Variants in SGCG observed in about 807,000 individuals in gnomAD.
SGCG encodes sarcoglycan gamma.
In SGCG, 26 loss-of-function variants were observed where a neutral mutation model predicts 29.3. The ratio of observed to expected loss-of-function variants is 0.89; its 90% CI spans 0.65 to 1.23. The LOEUF (loss-of-function observed/expected upper bound fraction) is 1.23, where lower values mean the gene tolerates loss of function less well. Among genes scored for constraint, SGCG ranks in the 50% most tolerant of loss-of-function variants. SGCG has a pLI of 0.00. For missense variants in SGCG, 353 were observed against 356.0 expected (o/e 0.99, Z 0.07); for synonymous variants, 145 against 129.7 (o/e 1.12, Z -0.80).
At chr13:23,188,940 A>G (rs2137476223) in intron 1 of SGCG, among the ~76,000 whole-genome samples, 1 of 152,272 alleles carries the variant, frequency 6.6e-6, no homozygotes, top group Non-Finnish European at 1.5e-5. Context: ...GATCACTTTC[A>G]TTCTTTACGA....
chr13:23,295,403 T>C lies in SGCG; in HGVS notation c.506-12T>C. On this transcript the variant is annotated splice_polypyrimidine_tract_variant and intron_variant, in intron 5 of 7. Coordinates refer to ENST00000218867, the MANE Select transcript of SGCG (RefSeq NM_000231.3). ...TACTTCTGCTCCTGATACATCTTTGTTTTTTGTTTAGGGCCTGAAGGGGCT... is the reference window on the plus strand; with the variant it reads ...TACTTCTGCTCCTGATACATCTTTGCTTTTTGTTTAGGGCCTGAAGGGGCT... 1 of 1,608,236 alleles carries C rather than the reference T, an allele frequency of 6.2e-7. No homozygotes were observed. Among genetic ancestry groups the C allele is most frequent in the Non-Finnish European group, 8.5e-7 (1 of 1,174,608 alleles).
At chr13:23,214,190 C>G (rs1878340041) in intron 2 of SGCG, among the ~76,000 whole-genome samples, 1 of 152,146 alleles carries the variant, frequency 6.6e-6, no homozygotes, top group African/African-American at 2.4e-5. Context: ...ATCATGGTTG[C>G]TTCCTTGTCC....
chr13:23,284,687 T>G (rs1013721142), intron 5 of SGCG, among the ~76,000 whole-genome samples: 2 of 152,212 alleles, frequency 1.3e-5, no homozygotes, highest in African/African-American at 4.8e-5. Context: ...AGAAGAGGCA[T>G]TCTGGTTTTT....
chr13:23,311,603 G>A (rs542621727), intron 6 of SGCG, among the ~76,000 whole-genome samples: 9 of 152,352 alleles, frequency 5.9e-5, no homozygotes, highest in African/African-American at 1.9e-4. Context: ...GCCTGGGGTA[G>A]AGATGAGGGC....
intron 4 of SGCG, among the ~76,000 whole-genome samples, chr13:23,276,153 T>C (rs957071331): frequency 2.0e-5 from 3 of 151,864 alleles, no homozygotes; most frequent in Non-Finnish European, 4.4e-5. Context: ...GACGATTACA[T>C]CCTCAGCTCT....
intron 6 of SGCG, among the ~76,000 whole-genome samples, chr13:23,310,385 C>T (rs1882549296): frequency 6.6e-6 from 1 of 152,156 alleles, no homozygotes; most frequent in Non-Finnish European, 1.5e-5. Flanking sequence ...CGCGCCGGGC[C>T]TGAATTCTTC....
Position 23,188,502 on chromosome 13 carries a change from T to TTTTA in SGCG, c.-1+7427_-1+7428insTTTA, listed in dbSNP as rs1565992168. On this transcript the variant is annotated intron_variant, in intron 1 of 7. Coordinates refer to ENST00000218867, the MANE Select transcript of SGCG (RefSeq NM_000231.3). ...CTAATTTTTTTTTTTTTTTTTTTTT[T>TTTTA]GGGACAGGTATTCACCATGTTGGTC... is the stretch of plus-strand genomic sequence containing the variant. Among the ~76,000 whole-genome samples, 51 of 140,858 alleles carry TTTTA rather than the reference T, an allele frequency of 3.6e-4. 1 individual carries two copies. Among genetic ancestry groups the TTTTA allele is most frequent in the African/African-American group, 9.4e-4 (36 of 38,294 alleles). 92.4% of individuals were successfully genotyped at this position (140,858 alleles called of 152,430 possible). A position where few individuals can be genotyped will look rare whatever the true frequency, so the allele number is the denominator to read the frequency against.
intron 1 of SGCG, among the ~76,000 whole-genome samples, chr13:23,186,587 G>A (rs1297499980): frequency 6.6e-6 from 1 of 152,198 alleles, no homozygotes; most frequent in East Asian, 1.9e-4. Context: ...CCTATCCACT[G>A]GGGATGGAGC....
At chr13:23,321,701 A>G (rs763600164) in intron 7 of SGCG, among the ~76,000 whole-genome samples, 1 of 152,188 alleles carries the variant, frequency 6.6e-6, no homozygotes, top group Admixed American at 6.5e-5. Flanking sequence ...GCCATTTAAA[A>G]TGTATAAATT....
At chr13:23,192,862 G>A (rs73437061) in intron 1 of SGCG, among the ~76,000 whole-genome samples, 1,587 of 152,258 alleles carry the variant, frequency 0.01, 28 homozygotes, top group African/African-American at 0.036. Flanking sequence ...TAACAAATAC[G>A]TATAACTGAG....
chr13:23,241,812 C>T (rs1879525778), intron 3 of SGCG, among the ~76,000 whole-genome samples: 1 of 152,076 alleles, frequency 6.6e-6, no homozygotes, highest in Admixed American at 6.6e-5. Flanking sequence ...TACATCACAT[C>T]AATAGAATGA....
chr13:23,220,169 A>G (rs1878602565), intron 2 of SGCG, among the ~76,000 whole-genome samples: 1 of 151,068 alleles, frequency 6.6e-6, no homozygotes, highest in South Asian at 2.2e-4. Flanking sequence ...ATAAAAGAAT[A>G]TGGCTGGGCG....
intron 6 of SGCG, among the ~76,000 whole-genome samples, chr13:23,305,119 A>G (rs539687936): frequency 1.3e-5 from 2 of 152,292 alleles, no homozygotes; most frequent in East Asian, 1.9e-4. Context: ...CTTATTTTGT[A>G]TTAGGATTAT....
the SGCG span, among the ~76,000 whole-genome samples, chr13:23,175,694 A>G: frequency 6.6e-6 from 1 of 152,054 alleles, no homozygotes; most frequent in Non-Finnish European, 1.5e-5. Flanking sequence ...TCTCCCCTCT[A>G]TCTTCTTTTA....
intron 2 of SGCG, among the ~76,000 whole-genome samples, chr13:23,231,939 C>T (rs4770416): frequency 1.3e-5 from 2 of 151,888 alleles, no homozygotes; most frequent in African/African-American, 4.8e-5. Context: ...GCCAACATGA[C>T]GAAACCCCAT....
intron 6 of SGCG, among the ~76,000 whole-genome samples, chr13:23,299,433 TATATATATATATATA>T (rs1313307409): frequency 0.2 from 6,017 of 30,586 alleles, 1,238 homozygotes; most frequent in East Asian, 0.35. Context: ...TATATATATA[TATATATATATATATA>T]TATATATATT....
chr13:23,168,033 C>T, the SGCG span, among the ~76,000 whole-genome samples: 3 of 152,188 alleles, frequency 2.0e-5, no homozygotes, highest in Non-Finnish European at 2.9e-5. Context: ...CACTGCGCCT[C>T]GCTCCCTTGC....
intron 3 of SGCG, among the ~76,000 whole-genome samples, chr13:23,235,089 C>G (rs1030765104): frequency 6.6e-6 from 1 of 152,206 alleles, no homozygotes; most frequent in Non-Finnish European, 1.5e-5. Flanking sequence ...TTCGTTTCAG[C>G]TGGGCGCGGT....
rs1883173554 is a variant in SGCG, at chr13:23,324,744, A to C, written c.*203A>C. Reference sequence around the variant, plus strand: ...AATGCACGTGGATGTGAGACACAAAAGTTGACAAAATGGAAAAGCAATGTG... The same window carrying C: ...AATGCACGTGGATGTGAGACACAAACGTTGACAAAATGGAAAAGCAATGTG... On this transcript the variant is annotated 3_prime_UTR_variant, in exon 8 of 8. Coordinates refer to ENST00000218867, the MANE Select transcript of SGCG (RefSeq NM_000231.3). 2 of 590,562 alleles carry C rather than the reference A, an allele frequency of 3.4e-6. 1 individual carries two copies. 36.6% of individuals were successfully genotyped at this position (590,562 alleles called of 1,614,324 possible).
Sources: allele counts gnomAD v4.1 joint callset (sites outside exome capture counted in the v4.1 genomes callset), GRCh38; gene constraint gnomAD v4.1.1; transcripts MANE v1.5; gene names NCBI Gene and HGNC (gene_info 2026-07-23, HGNC 2026-07-21).